Variants in CAPN14 observed in about 807,000 individuals in gnomAD.
The protein encoded by CAPN14 is calpain 14, also known as calpain-14.
CAPN14 carries 94 observed loss-of-function variants against 101.3 expected under a neutral mutation model. The ratio of observed to expected loss-of-function variants is 0.93; its 90% CI spans 0.79 to 1.10. CAPN14 has a LOEUF of 1.10. Ranked by LOEUF, CAPN14 falls within the 50% of genes least tolerant of loss-of-function variation. The pLI, the probability that CAPN14 is intolerant of heterozygous loss-of-function variation, is 0.00. For synonymous variants in CAPN14, 338 were observed against 317.9 expected, an observed-to-expected ratio of 1.06 and a Z score of -0.67; for missense variants, 837 against 828.4, an observed-to-expected ratio of 1.01 and a Z score of -0.13.
At chr2:31,201,720 A>C in intron 5 of CAPN14, 142 bp downstream of exon 5, 1 of 1,109,512 alleles carries the variant, frequency 9.0e-7, no homozygotes, top group African/African-American at 1.6e-5. Context: ...TAAAAGACTG[A>C]ATACGTTGTC....
chr2:31,202,176 A>G lies in CAPN14; in HGVS notation c.372T>C (p.Asn124=). 6.4e-7 allele frequency: 1 copy of G among 1,551,866 alleles called. No homozygotes were observed. The highest frequency in any genetic ancestry group is 1.2e-5 in the South Asian group (1 of 84,060). ...QDILSRVVPL[N]QSFTEKYAGI... ...CAGCATACTTCTCAGTGAAACTCTG[A>G]TTCAGGGGAACAACCCGGCTCAGGA... is the stretch of plus-strand genomic sequence containing the variant. Residue 124 remains asparagine, a synonymous_variant, in exon 4 of 22, where the codon AAT becomes AAC. Transcript: ENST00000403897.
intron 8 of CAPN14, among the ~76,000 whole-genome samples, chr2:31,196,136 A>T (rs760493994): frequency 2.6e-5 from 4 of 152,262 alleles, no homozygotes; most frequent in Non-Finnish European, 5.9e-5. Flanking sequence ...TTTAAAATGA[A>T]AAATATACTG....
intron 7 of CAPN14, among the ~76,000 whole-genome samples, chr2:31,199,073 T>C (rs533033204): frequency 1.6e-3 from 244 of 152,326 alleles, no homozygotes; most frequent in Middle Eastern, 0.01. Context: ...TTCCTCTCAA[T>C]GCCTAGTAGA....
At position 31,177,652 on chromosome 2, in the gene CAPN14, G is replaced by C. The variant is rs1680371697; in HGVS notation, c.1855+94C>G. The C allele has an allele frequency of 6.7e-6, 6 of 891,342 alleles. No homozygotes were observed. In the East Asian group the frequency reaches 1.3e-4, roughly 20 times the overall value. The allele number at this position is 891,342 out of a possible 1,614,324, so 55.2% of individuals were successfully genotyped here. On this transcript the variant is annotated intron_variant, in intron 19 of 21. Transcript: ENST00000403897. ...TTTGAGAGTAACACTGCGTATTAGA[G>C]TTACTTCAGCATGCCACACATCCCC...
At position 31,230,015 on chromosome 2, in the gene CAPN14, G is replaced by A. The variant is rs1014267863; in HGVS notation, c.-176-3364C>T. On this transcript the variant is annotated intron_variant and NMD_transcript_variant, in intron 1 of 21. Coordinates refer to the CAPN14 transcript ENST00000398824. This position sits in a 1 kb window ranked among gnomAD's most constrained non-coding sequence, Gnocchi z 4.3. Reference sequence around the variant, plus strand: ...ACCACTTCCCTCATTTTTCTCATCTGTAGAGTATGTATTTTTTGTAACTTT... The same window carrying A: ...ACCACTTCCCTCATTTTTCTCATCTATAGAGTATGTATTTTTTGTAACTTT... Among the ~76,000 whole-genome samples the A allele has an allele frequency of 6.6e-6, 1 of 152,148 alleles. No homozygotes were observed. Among genetic ancestry groups the A allele is most frequent in the African/African-American group, 2.4e-5 (1 of 41,434 alleles).
intron 1 of CAPN14, among the ~76,000 whole-genome samples, chr2:31,215,027 C>T (rs558455893): frequency 6.6e-6 from 1 of 152,086 alleles, no homozygotes; most frequent in Admixed American, 6.5e-5. Context: ...CAGCCTCCTC[C>T]TAAACTATGA....
intron 20 of CAPN14, 39 bp from the exon 21 acceptor site, chr2:31,176,681 CTA>C: frequency 6.6e-7 from 1 of 1,505,174 alleles, no homozygotes. Context: ...GCTAATGTGT[CTA>C]TTGGAAACAT....
Position 31,201,933 on chromosome 2 carries a change from G to A in CAPN14, c.480C>T (p.Gly160=), listed in dbSNP as rs1281762513. 2.6e-6 allele frequency: 4 copies of A among 1,551,564 alleles called. No homozygotes were observed. The highest frequency in any genetic ancestry group is 3.5e-6 in the Non-Finnish European group (4 of 1,147,002). Residue 160 remains glycine (G), a synonymous_variant, in exon 5 of 22, where the codon GGC becomes GGT. Transcript: ENST00000403897. Reference sequence around the variant, plus strand: ...AGGTGGAGGAGACAAAGACCAGCTGGCCAGCCTCATTCACAGGCAGACGGT... The same window carrying A: ...AGGTGGAGGAGACAAAGACCAGCTGACCAGCCTCATTCACAGGCAGACGGT... The part of the protein sequence containing the change: ...IDDRLPVNEA[G]QLVFVSSTYK...
At chr2:31,225,444 T>C (rs1362646969) in intron 2 of CAPN14, among the ~76,000 whole-genome samples, 2 of 152,070 alleles carry the variant, frequency 1.3e-5, no homozygotes, top group Non-Finnish European at 2.9e-5. Flanking sequence ...GAAAGCAATT[T>C]GGTGATAAGT....
At chr2:31,223,319 T>C (rs1172469932) in intron 2 of CAPN14, among the ~76,000 whole-genome samples, 2 of 152,206 alleles carry the variant, frequency 1.3e-5, no homozygotes, top group Non-Finnish European at 2.9e-5. Context: ...CACCAGCCCA[T>C]GTGACAGCAC....
At chr2:31,200,981 T>A (rs949546851) in intron 5 of CAPN14, among the ~76,000 whole-genome samples, 1 of 152,138 alleles carries the variant, frequency 6.6e-6, no homozygotes, top group Non-Finnish European at 1.5e-5. Flanking sequence ...TAAAGCTGCT[T>A]GCGGGAAACC....
intron 8 of CAPN14, among the ~76,000 whole-genome samples, chr2:31,197,006 AG>A (rs1204270314): frequency 6.6e-6 from 1 of 152,220 alleles, no homozygotes; most frequent in Admixed American, 6.5e-5. Flanking sequence ...AAAATTCAAA[AG>A]GTTTAGCACA....
At chr2:31,174,790 C>G in intron 21 of CAPN14, 83 bp from the exon 22 acceptor site, 1 of 1,336,804 alleles carries the variant, frequency 7.5e-7, no homozygotes. Flanking sequence ...CCTGGGGAGC[C>G]ATGGAGACAG....
chr2:31,174,535 G>GAGAAACCTT lies in CAPN14; in HGVS notation c.*137_*145dup. On this transcript the variant is annotated 3_prime_UTR_variant, in exon 22 of 22. Transcript: ENST00000403897. ...GCCATGCACGGGGAGGGCTGCAGAA[G>GAGAAACCTT]AGAAACCTTCCCAGCTGAGAAGGTG... The GAGAAACCTT allele has an allele frequency of 2.5e-6, 2 of 784,954 alleles. No individual in the cohort carries two copies. Among genetic ancestry groups the GAGAAACCTT allele is most frequent in the Non-Finnish European group, 2.1e-6 (1 of 477,890 alleles). The allele number at this position is 784,954 out of a possible 1,614,324, so 48.6% of individuals were successfully genotyped here.
intron 1 of CAPN14, among the ~76,000 whole-genome samples, chr2:31,209,451 G>A (rs1682279970): frequency 6.6e-6 from 1 of 152,112 alleles, no homozygotes; most frequent in African/African-American, 2.4e-5. Flanking sequence ...ATCCAGAGGA[G>A]GAGGCCTTTG....
Position 31,187,817 on chromosome 2 carries a change from A to C in CAPN14, c.1531-3T>G. On this transcript the variant is annotated splice_region_variant and splice_polypyrimidine_tract_variant and intron_variant, in intron 14 of 21. Coordinates refer to ENST00000403897, the MANE Select transcript of CAPN14 (RefSeq NM_001145122.2). Reference sequence around the variant, plus strand: ...CTTTCATTTTGGTCTTCTATCTCCTATAGGAAGAGACACACAGAAAGACAC... The same window carrying C: ...CTTTCATTTTGGTCTTCTATCTCCTCTAGGAAGAGACACACAGAAAGACAC... 1 of 1,549,154 alleles carries C rather than the reference A, an allele frequency of 6.5e-7. No homozygotes were observed.
chr2:31,215,727 T>C (rs1682610446), intron 1 of CAPN14, among the ~76,000 whole-genome samples: 1 of 151,788 alleles, frequency 6.6e-6, no homozygotes, highest in Non-Finnish European at 1.5e-5. Flanking sequence ...ACTCCTGGGC[T>C]GGAAGACTTG....
intron 1 of CAPN14, among the ~76,000 whole-genome samples, chr2:31,216,694 G>A: frequency 6.6e-6 from 1 of 152,118 alleles, no homozygotes; most frequent in South Asian, 2.1e-4. Flanking sequence ...TTGTCACCCT[G>A]TGCCTCCATA....
At chr2:31,182,455 T>A (rs1176332452) in intron 16 of CAPN14, among the ~76,000 whole-genome samples, 1 of 137,602 alleles carries the variant, frequency 7.3e-6, no homozygotes, top group Non-Finnish European at 1.5e-5. Context: ...CAGCCCAAAA[T>A]CTCCTTAAGC....
Sources: gnomAD v4.1 joint callset for allele counts (sites outside exome capture counted in the v4.1 genomes callset) on GRCh38, gnomAD v4.1.1 for gene constraint, Gnocchi (gnomAD v3.1) non-coding constraint, MANE v1.5 for transcripts, NCBI Gene and HGNC (gene_info 2026-07-23, HGNC 2026-07-21) for gene names.